NFATC2: variants seen among roughly 807,000 people sequenced by gnomAD.
The protein encoded by NFATC2 is nuclear factor of activated T-cells, cytoplasmic 2.
NFATC2 carries 22 observed loss-of-function variants against 87.3 expected under a neutral mutation model. The ratio of observed to expected loss-of-function variants is 0.25; its 90% CI spans 0.18 to 0.36. The LOEUF is 0.36. Among genes scored for constraint, NFATC2 ranks in the 10% least tolerant of loss-of-function variants. The pLI is 1.00. For missense variants in NFATC2, 1,149 were observed against 1,259.1 expected, an observed-to-expected ratio of 0.91 and a Z score of 1.32; for synonymous variants, 565 against 542.2, an observed-to-expected ratio of 1.04 and a Z score of -0.58.
At chr20:51,393,575 G>A (rs1986628786) in intron 10 of NFATC2, among the ~76,000 whole-genome samples, 1 of 152,144 alleles carries the variant, frequency 6.6e-6, no homozygotes, top group Non-Finnish European at 1.5e-5. Context: ...GACTCCCAGG[G>A]GCCCTAAACC....
At chr20:51,429,519 T>G (rs891651187) in intron 9 of NFATC2, among the ~76,000 whole-genome samples, 5 of 152,204 alleles carry the variant, frequency 3.3e-5, no homozygotes, top group African/African-American at 1.2e-4. Context: ...TTATGTTATT[T>G]CTGCCAAGTA....
At chr20:51,470,960 GA>G (rs1297604835) in intron 5 of NFATC2, among the ~76,000 whole-genome samples, 1 of 152,208 alleles carries the variant, frequency 6.6e-6, no homozygotes, top group Non-Finnish European at 1.5e-5. Flanking sequence ...CATAGAACCA[GA>G]AAGTTGAAGA....
chr20:51,400,842 GC>G (rs1163746907), intron 9 of NFATC2, among the ~76,000 whole-genome samples: 1 of 151,962 alleles, frequency 6.6e-6, no homozygotes, highest in African/African-American at 2.4e-5. Flanking sequence ...TCCAGGAACA[GC>G]CTCCTAGCAT....
chr20:51,502,472 G>A (rs900193908), intron 3 of NFATC2, among the ~76,000 whole-genome samples: 5 of 152,138 alleles, frequency 3.3e-5, no homozygotes, highest in African/African-American at 1.2e-4. Context: ...CTACAGGCAT[G>A]TTCCACTGCG....
chr20:51,532,666 G>A (rs1397789719), intron 1 of NFATC2, among the ~76,000 whole-genome samples: 1 of 152,224 alleles, frequency 6.6e-6, no homozygotes, highest in African/African-American at 2.4e-5. Context: ...GTCTGAGGTG[G>A]CCGCTCGCTC....
intron 9 of NFATC2, among the ~76,000 whole-genome samples, chr20:51,427,520 C>T (rs547243825): frequency 3.3e-5 from 5 of 152,200 alleles, no homozygotes; most frequent in Non-Finnish European, 7.3e-5. Flanking sequence ...TCACGGGATT[C>T]GTTTTCAATT....
chr20:51,482,683 C>A (rs996056851), intron 3 of NFATC2, among the ~76,000 whole-genome samples: 4 of 152,200 alleles, frequency 2.6e-5, no homozygotes, highest in Non-Finnish European at 1.5e-5. Context: ...CACTTCAGAT[C>A]TACTCTTAGC....
intron 9 of NFATC2, among the ~76,000 whole-genome samples, chr20:51,422,962 T>C (rs1274690737): frequency 1.3e-5 from 2 of 151,410 alleles, no homozygotes; most frequent in Admixed American, 6.8e-5. Flanking sequence ...CAGCTAGCGC[T>C]GATATTAGAA....
In NFATC2 at chr20:51,432,445, G is replaced by A. The variant is rs371139794; in HGVS notation, c.2344C>T (p.Arg782Cys). The A allele has an allele frequency of 1.8e-5, 28 of 1,573,308 alleles. No individual in the cohort carries two copies. Among genetic ancestry groups the A allele is most frequent in the Admixed American group, 8.8e-5 (5 of 56,750 alleles). ...AAPLSLADAH[R>C]SVLVHAGSQG... ...GAGCCGGCGTGCACCAGCACAGAGC[G>A]GTGAGCGTCCGCAAGGGACAGCGGG... The change falls in exon 9 of 11, where the codon CGC becomes TGC. Residue 782 changes from arginine to cysteine, a missense_variant. Transcript: ENST00000371564. This position sits in a 1 kb window ranked among gnomAD's most constrained non-coding sequence, Gnocchi z 4.6.
At chr20:51,445,503 C>T (rs937881353) in intron 6 of NFATC2, among the ~76,000 whole-genome samples, 7 of 152,112 alleles carry the variant, frequency 4.6e-5, no homozygotes, top group Non-Finnish European at 8.8e-5. Context: ...CAACGAATAC[C>T]TTTTTACTGC....
At chr20:51,495,593 G>A in intron 3 of NFATC2, among the ~76,000 whole-genome samples, 1 of 152,214 alleles carries the variant, frequency 6.6e-6, no homozygotes, top group East Asian at 1.9e-4. Flanking sequence ...TTTCTTTGAT[G>A]ACAGAAGGCA....
intron 3 of NFATC2, among the ~76,000 whole-genome samples, chr20:51,499,085 G>A: frequency 6.6e-6 from 1 of 152,156 alleles, no homozygotes; most frequent in Non-Finnish European, 1.5e-5. Context: ...ACACGGCCTG[G>A]TCCACGGTGA....
chr20:51,478,004 A>C (rs974629318), intron 3 of NFATC2, among the ~76,000 whole-genome samples: 9 of 152,232 alleles, frequency 5.9e-5, no homozygotes, highest in African/African-American at 1.7e-4. Context: ...TGTTTCCATC[A>C]TCACAGAAAG....
rs199948885 is a variant in NFATC2, at chr20:51,432,278, G to A, written c.2511C>T (p.Phe837=). 7.2e-5 allele frequency: 117 copies of A among 1,614,086 alleles called. No homozygotes were observed. Among genetic ancestry groups the A allele is most frequent in the Non-Finnish European group, 9.0e-5 (106 of 1,180,044 alleles). ...EFQHIMYCEN[F]APGTTRPGPP... is the part of the protein sequence containing the mutation. ...GGCCAGGTCTGGTGGTGCCTGGTGC[G>A]AAATTCTCGCAGTACATGATGTGCT... The change falls in exon 9 of 11, where the codon TTC becomes TTT. Residue 837 remains phenylalanine (F), a synonymous_variant. Transcript: ENST00000371564. The surrounding 1 kb of genome is among the most constrained non-coding windows in gnomAD (Gnocchi z 4.6).
intron 9 of NFATC2, among the ~76,000 whole-genome samples, chr20:51,421,472 G>A (rs1254051572): frequency 5.9e-5 from 9 of 152,150 alleles, no homozygotes; most frequent in Admixed American, 2.0e-4. Flanking sequence ...GAGTGAAATC[G>A]GTGAAGTCTA....
At chr20:51,541,899 C>A (rs969640282) in intron 1 of NFATC2, among the ~76,000 whole-genome samples, 1 of 152,136 alleles carries the variant, frequency 6.6e-6, no homozygotes, top group Non-Finnish European at 1.5e-5. Flanking sequence ...AGGGAAGGAG[C>A]GGCCTCCTAC....
At chr20:51,483,478 T>C (rs1022656324) in intron 3 of NFATC2, among the ~76,000 whole-genome samples, 6 of 151,926 alleles carry the variant, frequency 3.9e-5, no homozygotes, top group Non-Finnish European at 7.4e-5. Context: ...AGGACTGCAA[T>C]TCCCCATGGC....
rs1403282636 is a variant in NFATC2, at chr20:51,504,676, A to G, written c.1332+12108T>C. On this transcript the variant is annotated intron_variant, in intron 3 of 10. Transcript: ENST00000371564. ...AGAGCGTGGGCTTTTGAGCTGGACT[A>G]CCTAGGTTTAGTTCGTGGTTCCCCC... Among the ~76,000 whole-genome samples the G allele has an allele frequency of 2.6e-5, 4 of 152,212 alleles. No individual in the cohort carries two copies. The East Asian group carries it at 5.8e-4, about 22-fold the overall frequency.
chr20:51,425,795 C>A (rs889001222), intron 9 of NFATC2, among the ~76,000 whole-genome samples: 1 of 152,204 alleles, frequency 6.6e-6, no homozygotes, highest in Non-Finnish European at 1.5e-5. Context: ...CTGTTTCTCA[C>A]GCATTGGTGC....
Sources: gnomAD v4.1 joint callset for allele counts (sites outside exome capture counted in the v4.1 genomes callset) on GRCh38, gnomAD v4.1.1 for gene constraint, Gnocchi (gnomAD v3.1) non-coding constraint, MANE v1.5 for transcripts, NCBI Gene and HGNC (gene_info 2026-07-23, HGNC 2026-07-21) for gene names.